The following ATP7B variants were observed in gnomAD, a reference collection of about 807,000 sequenced individuals.
The protein encoded by ATP7B is copper-transporting ATPase 2.
A neutral mutation model predicts 118.9 loss-of-function variants in ATP7B; 113 were observed. The observed-to-expected ratio is 0.95, with a 90% CI of 0.82 to 1.11. The LOEUF (loss-of-function observed/expected upper bound fraction) is 1.11. Among genes scored for constraint, ATP7B ranks in the 50% most tolerant of loss-of-function variants. The probability of loss-of-function intolerance (pLI) is 0.00; values close to 1 mark genes in which losing one functional copy is unlikely to be tolerated. For missense variants in ATP7B, 1,867 were observed against 1,871.4 expected, an observed-to-expected ratio of 1.00 and a Z score of 0.04; for synonymous variants, 777 against 727.4, an observed-to-expected ratio of 1.07 and a Z score of -1.10.
At chr13:51,939,860 A>C (rs935256265) in intron 16 of ATP7B, among the ~76,000 whole-genome samples, 5 of 152,218 alleles carry the variant, frequency 3.3e-5, no homozygotes, top group Non-Finnish European at 5.9e-5. Context: ...TGGAGCATTC[A>C]AAAGGTGTCA....
At chr13:51,950,486 G>A in intron 9 of ATP7B, 87 bp from the exon 10 acceptor site, 2 of 1,572,512 alleles carry the variant, frequency 1.3e-6, no homozygotes, top group South Asian at 2.2e-5. Context: ...TAGTTACACT[G>A]TATTTGCTTA....
At chr13:51,946,989 A>G (rs922168896) in intron 12 of ATP7B, among the ~76,000 whole-genome samples, 1 of 152,242 alleles carries the variant, frequency 6.6e-6, no homozygotes, top group Admixed American at 6.5e-5. Context: ...ATAATCATAT[A>G]AATAAGAAAA....
At chr13:51,940,134 T>G (rs1957240940) in intron 16 of ATP7B, among the ~76,000 whole-genome samples, 1 of 144,828 alleles carries the variant, frequency 6.9e-6, no homozygotes, top group South Asian at 2.3e-4. Flanking sequence ...TGCCTCAGCC[T>G]CCCAAGTAGC....
At chr13:51,966,686 C>T (rs1471718233) in intron 4 of ATP7B, 2 of 1,395,274 alleles carry the variant, frequency 1.4e-6, no homozygotes, top group Non-Finnish European at 1.0e-6. Flanking sequence ...ACAGACACAG[C>T]ATGCTGCCAT....
In ATP7B at chr13:51,995,452, C is replaced by T. The variant is rs563091132; in HGVS notation, c.51+15835G>A. On this transcript the variant is annotated intron_variant, in intron 1 of 20. Coordinates refer to ENST00000242839, the MANE Select transcript of ATP7B (RefSeq NM_000053.4). ...CCCCAGGGCTCTTCCTAAAGGACCA[C>T]TGCTTGTGGACAGACAGCAGGGTCA... is the stretch of plus-strand genomic sequence containing the variant. 2.2e-4 allele frequency: 122 copies of T among 561,414 alleles called. 2 individuals carry two copies. The South Asian group carries it at 8.4e-3, about 39-fold the overall frequency. 34.8% of individuals were successfully genotyped at this position (561,414 alleles called of 1,614,324 possible). A position where few individuals can be genotyped will look rare whatever the true frequency, so the allele number is the denominator to read the frequency against.
chr13:51,958,894 C>A (rs1958540591), intron 7 of ATP7B: 2 of 343,660 alleles, frequency 5.8e-6, no homozygotes, highest in African/African-American at 2.1e-5. Flanking sequence ...CTATCTATAA[C>A]CCACTGGCAT....
Position 51,975,145 on chromosome 13 carries a change from A to T in ATP7B, c.75T>A (p.Pro25=). 6.2e-7 allele frequency: 1 copy of T among 1,614,260 alleles called. No individual in the cohort carries two copies. Among genetic ancestry groups the T allele is most frequent in the South Asian group, 1.1e-5 (1 of 91,086 alleles). The change falls in exon 2 of 21, where the codon CCT becomes CCA. Residue 25 remains proline, a synonymous_variant. Transcript: ENST00000242839. ...SRKILSKLSL[P]TRAWEPAMKK... ...TCATTGCTGGTTCCCAGGCACGGGTAGGCAAAGAAAGCTTAGATAAGATCT... is the reference window on the plus strand; with the variant it reads ...TCATTGCTGGTTCCCAGGCACGGGTTGGCAAAGAAAGCTTAGATAAGATCT...
At chr13:51,949,932 T>G (rs1566499857) in intron 11 of ATP7B, 75 bp downstream of exon 11, 1 of 1,612,198 alleles carries the variant, frequency 6.2e-7, no homozygotes, top group Admixed American at 1.7e-5. Flanking sequence ...AATAAAACTG[T>G]CTGATTTCCC....
intron 16 of ATP7B, among the ~76,000 whole-genome samples, chr13:51,939,775 G>A (rs975470141): frequency 2.6e-5 from 4 of 152,134 alleles, no homozygotes; most frequent in South Asian, 2.1e-4. Context: ...TTTGATAGCC[G>A]AGGGGCGGGT....
chr13:51,963,317 G>C (rs556759550), intron 5 of ATP7B, among the ~76,000 whole-genome samples: 31 of 152,292 alleles, frequency 2.0e-4, no homozygotes, highest in Admixed American at 8.5e-4. Context: ...TCCGTGAGCT[G>C]GGTATTGTGA....
In ATP7B at chr13:51,974,976, T is replaced by C. The variant is rs749251753; in HGVS notation, c.244A>G (p.Asn82Asp). ...CVKSIEDRIS[N>D]LKGIISMKVS... Reference sequence around the variant, plus strand: ...TTCATGCTGATGATGCCTTTCAAATTGGAAATCCTGTCCTCAATGGACTTC... The same window carrying C: ...TTCATGCTGATGATGCCTTTCAAATCGGAAATCCTGTCCTCAATGGACTTC... Residue 82 changes from asparagine (N) to aspartate (D), a missense_variant, in exon 2 of 21, where the codon AAT becomes GAT. Coordinates refer to ENST00000242839, the MANE Select transcript of ATP7B (RefSeq NM_000053.4). The C allele has an allele frequency of 2.5e-6, 4 of 1,614,226 alleles. No homozygotes were observed. Among genetic ancestry groups the C allele is most frequent in the Non-Finnish European group, 2.5e-6 (3 of 1,180,044 alleles).
chr13:51,937,374 A>G lies in ATP7B; in HGVS notation c.3923T>C (p.Val1308Ala). Residue 1308 changes from valine to alanine, a missense_variant, in exon 19 of 21, where the codon GTG (valine) becomes GCG (alanine). Val to Ala is a moderately conservative substitution (Grantham distance 64). Coordinates refer to ENST00000242839, the MANE Select transcript of ATP7B (RefSeq NM_000053.4). ...CCTCTTGGAAAGGTGAATGCTAGCCACCACATCCAGCAAATCATTCTGATG... is the reference window on the plus strand; with the variant it reads ...CCTCTTGGAAAGGTGAATGCTAGCCGCCACATCCAGCAAATCATTCTGATG... ...VLIRNDLLDV[V>A]ASIHLSKRTV... 6.2e-7 allele frequency: 1 copy of G among 1,614,226 alleles called. No individual in the cohort carries two copies. The highest frequency in any genetic ancestry group is 8.5e-7 in the Non-Finnish European group (1 of 1,180,040).
chr13:51,985,719 C>T (rs1952621142), intron 1 of ATP7B, among the ~76,000 whole-genome samples: 1 of 152,190 alleles, frequency 6.6e-6, no homozygotes, highest in South Asian at 2.1e-4. Context: ...CAAACAGTCT[C>T]TCAGATCACA....
Position 51,968,402 on chromosome 13 carries a change from T to C in ATP7B, c.1707+42A>G, listed in dbSNP as rs776578609. 11 of 1,613,952 alleles carry C rather than the reference T, an allele frequency of 6.8e-6. No individual in the cohort carries two copies. In the East Asian group the frequency reaches 2.2e-4, roughly 33 times the overall value. ...AGATGGATGTGTCCAAAATGCAAAC[T>C]GTCAGAAGCCTGTAACCCCGTAACG... On this transcript the variant is annotated intron_variant, in intron 4 of 20. Coordinates refer to ENST00000242839, the MANE Select transcript of ATP7B (RefSeq NM_000053.4).
rs1956874443 is a variant in ATP7B, at chr13:51,935,013, G to A, written c.4141C>T (p.Leu1381=). The change falls in exon 21 of 21, where the codon CTG becomes TTG. Residue 1381 remains leucine, a synonymous_variant. Coordinates refer to ENST00000242839, the MANE Select transcript of ATP7B (RefSeq NM_000053.4). The part of the protein sequence containing the change: ...LQLKCYKKPD[L]ERYEAQAHGH... The stretch of plus-strand genomic sequence containing the variant: ...TGCGCCTGTGCCTCATACCTCTCCA[G>A]GTCAGGCTTCTTATAGCTGGAAAGC... 12 of 1,614,008 alleles carry A rather than the reference G, an allele frequency of 7.4e-6. No individual in the cohort carries two copies. The highest frequency in any genetic ancestry group is 1.0e-5 in the Non-Finnish European group (12 of 1,180,028).
intron 9 of ATP7B, among the ~76,000 whole-genome samples, chr13:51,953,194 G>A (rs1056202766): frequency 6.6e-6 from 1 of 152,190 alleles, no homozygotes; most frequent in African/African-American, 2.4e-5. Context: ...CTCCAGCGAT[G>A]GAGAAGTCCA....
intron 1 of ATP7B, among the ~76,000 whole-genome samples, chr13:51,992,098 G>C (rs576587684): frequency 6.7e-6 from 1 of 148,988 alleles, no homozygotes; most frequent in Non-Finnish European, 1.5e-5. Flanking sequence ...ATTCTACATT[G>C]TACAGAATGT....
At chr13:51,984,260 G>A (rs1242050612) in intron 1 of ATP7B, among the ~76,000 whole-genome samples, 3 of 151,964 alleles carry the variant, frequency 2.0e-5, no homozygotes, top group Non-Finnish European at 2.9e-5. Flanking sequence ...CAAGAACTTC[G>A]TGAAGCATAC....
intron 1 of ATP7B, among the ~76,000 whole-genome samples, chr13:51,979,322 T>C (rs552341243): frequency 6.6e-6 from 1 of 152,306 alleles, no homozygotes; most frequent in Admixed American, 6.5e-5. Context: ...TACAAATGGA[T>C]GCTTGTATAG....
Sources: allele counts gnomAD v4.1 joint callset (sites outside exome capture counted in the v4.1 genomes callset), GRCh38; gene constraint gnomAD v4.1.1; transcripts MANE v1.5; gene names NCBI Gene and HGNC (gene_info 2026-07-23, HGNC 2026-07-21).